The following TATDN1 variants were observed in gnomAD, a reference collection of about 807,000 sequenced individuals.
TATDN1 encodes the protein TatD DNase domain containing 1.
In TATDN1, 40 loss-of-function variants were observed where a neutral mutation model predicts 46.4. The ratio of observed to expected loss-of-function variants is 0.86; its 90% CI spans 0.67 to 1.12. The LOEUF is 1.12. Ranked by LOEUF, TATDN1 falls within the 50% of genes most tolerant of loss-of-function variation. The pLI, the probability that TATDN1 is intolerant of heterozygous loss-of-function variation, is 0.00. For missense variants in TATDN1, 326 were observed against 348.4 expected, an observed-to-expected ratio of 0.94 and a Z score of 0.51; for synonymous variants, 95 against 105.6, an observed-to-expected ratio of 0.90 and a Z score of 0.62.
chr8:124,502,515 T>C (rs1240445487), intron 9 of TATDN1, among the ~76,000 whole-genome samples: 3 of 152,140 alleles, frequency 2.0e-5, no homozygotes, highest in African/African-American at 4.8e-5. Flanking sequence ...TAAATAGAAA[T>C]ACTGGCTTGT....
At chr8:124,535,246 T>C (rs1183914655) in intron 1 of TATDN1, among the ~76,000 whole-genome samples, 1 of 152,166 alleles carries the variant, frequency 6.6e-6, no homozygotes, top group African/African-American at 2.4e-5. Flanking sequence ...TCAGGAGTTG[T>C]GCACAAAGAA....
Position 124,493,814 on chromosome 8 carries a change from A to C in TATDN1, c.791+19T>G. The C allele has an allele frequency of 1.3e-6, 2 of 1,585,674 alleles. No homozygotes were observed. Among genetic ancestry groups the C allele is most frequent in the Non-Finnish European group, 1.7e-6 (2 of 1,171,058 alleles). On this transcript the variant is annotated intron_variant, in intron 11 of 11. Coordinates refer to ENST00000276692, the MANE Select transcript of TATDN1 (RefSeq NM_032026.4). ...TGGTTAACTAATGATTTTGAAGACC[A>C]TGAAAGCAAAATACTCACATTATAT...
chr8:124,516,075 CATATTTATATTTATTATG>C (rs773849846), intron 4 of TATDN1, 45 bp from the exon 5 acceptor site: 1 of 1,470,630 alleles, frequency 6.8e-7, no homozygotes, highest in Admixed American at 2.3e-5. Context: ...AGTATTTTCT[CATATTTATATTTATTATG>C]ATATTTAGAG....
Position 124,508,368 on chromosome 8 carries a change from GT to G in TATDN1, c.516+105del, listed in dbSNP as rs1213293098. ...GCAAAGGTGTCATTATCTCATGCCAGTGCTTAAAAAGGTTCAGATTTTGGAG... is the reference window on the plus strand; with the variant it reads ...GCAAAGGTGTCATTATCTCATGCCAGGCTTAAAAAGGTTCAGATTTTGGAG... On this transcript the variant is annotated intron_variant, in intron 8 of 11. Coordinates refer to ENST00000276692, the MANE Select transcript of TATDN1 (RefSeq NM_032026.4). 6 of 912,356 alleles carry G rather than the reference GT, an allele frequency of 6.6e-6. No homozygotes were observed. The African/African-American group carries it at 1.0e-4, about 15-fold the overall frequency. The allele number at this position is 912,356 out of a possible 1,614,324, so 56.5% of individuals were successfully genotyped here.
At chr8:124,520,110 T>C (rs1172064858) in intron 3 of TATDN1, among the ~76,000 whole-genome samples, 2 of 152,212 alleles carry the variant, frequency 1.3e-5, no homozygotes, top group African/African-American at 2.4e-5. Flanking sequence ...TCCGGAAACA[T>C]AGCCATAATT....
At chr8:124,516,412 C>T (rs920773549) in intron 4 of TATDN1, among the ~76,000 whole-genome samples, 1 of 151,976 alleles carries the variant, frequency 6.6e-6, no homozygotes. Context: ...AAGCGATCCT[C>T]CCACCTCAGC....
At chr8:124,512,029 G>C (rs1819064118) in intron 6 of TATDN1, among the ~76,000 whole-genome samples, 1 of 152,148 alleles carries the variant, frequency 6.6e-6, no homozygotes, top group Non-Finnish European at 1.5e-5. Flanking sequence ...TTATTTTTCA[G>C]ACACTACATC....
intron 1 of TATDN1, among the ~76,000 whole-genome samples, chr8:124,535,361 A>C (rs1309121638): frequency 6.6e-6 from 1 of 152,186 alleles, no homozygotes; most frequent in African/African-American, 2.4e-5. Flanking sequence ...AGTCTAAAAT[A>C]TTTACTATAT....
In TATDN1 at chr8:124,528,274, C is replaced by T. The variant is rs10097047; in HGVS notation, c.23-5272G>A. On this transcript the variant is annotated intron_variant, in intron 1 of 11. Coordinates refer to ENST00000276692, the MANE Select transcript of TATDN1 (RefSeq NM_032026.4). ...CTGCAAGCTCCACCTCCCAGGTTCA[C>T]GCCATTCCCCTGCCTCGGCCTCCCA... Among the ~76,000 whole-genome samples, 285 of 152,176 alleles carry T rather than the reference C, an allele frequency of 1.9e-3. 1 individual carries two copies. The highest frequency in any genetic ancestry group is 0.013 in the South Asian group (62 of 4,826).
At chr8:124,522,737 C>T (rs376753656) in intron 2 of TATDN1, among the ~76,000 whole-genome samples, 200 bp downstream of exon 2, 69 of 151,918 alleles carry the variant, frequency 4.5e-4, no homozygotes, top group African/African-American at 1.6e-3. Context: ...TTTATTATTT[C>T]AATTTTAAGA....
chr8:124,504,402 A>G, intron 8 of TATDN1, 55 bp from the exon 9 acceptor site: 2 of 1,284,172 alleles, frequency 1.6e-6, no homozygotes, highest in Non-Finnish European at 2.1e-6. Flanking sequence ...TTAAAATTCT[A>G]AGTGACATTA....
At chr8:124,499,584 G>A (rs1035173858) in intron 9 of TATDN1, among the ~76,000 whole-genome samples, 27 of 151,776 alleles carry the variant, frequency 1.8e-4, no homozygotes, top group Non-Finnish European at 5.9e-5. Context: ...TCACTCTGTC[G>A]CCCAGGCTGG....
intron 1 of TATDN1, among the ~76,000 whole-genome samples, chr8:124,532,894 A>T (rs142654206): frequency 6.6e-6 from 1 of 152,252 alleles, no homozygotes; most frequent in Non-Finnish European, 1.5e-5. Flanking sequence ...CCTTAAGTCT[A>T]TATGAGGTGA....
chr8:124,514,139 T>C (rs1450460763), intron 6 of TATDN1, among the ~76,000 whole-genome samples: 2 of 152,312 alleles, frequency 1.3e-5, no homozygotes, highest in Non-Finnish European at 1.5e-5. Context: ...TACTTGGTTA[T>C]AGATCTTCAC....
At chr8:124,537,940 C>T (rs1821612603) in intron 1 of TATDN1, among the ~76,000 whole-genome samples, 1 of 124,398 alleles carries the variant, frequency 8.0e-6, no homozygotes, top group Non-Finnish European at 1.8e-5. Flanking sequence ...CTTAGCACAA[C>T]GTCTTTGAAA....
At chr8:124,534,626 G>C (rs1292731333) in intron 1 of TATDN1, among the ~76,000 whole-genome samples, 4 of 152,206 alleles carry the variant, frequency 2.6e-5, no homozygotes, top group African/African-American at 9.7e-5. Context: ...CGTCAGGTAT[G>C]TGTGGGGTTT....
intron 8 of TATDN1, among the ~76,000 whole-genome samples, chr8:124,506,370 A>T (rs1280836985): frequency 6.6e-6 from 1 of 151,658 alleles, no homozygotes; most frequent in East Asian, 1.9e-4. Context: ...AAAGAAAAAA[A>T]GAAAAGAAAT....
intron 1 of TATDN1, among the ~76,000 whole-genome samples, chr8:124,524,029 C>A (rs994259272): frequency 6.6e-6 from 1 of 152,158 alleles, no homozygotes; most frequent in Non-Finnish European, 1.5e-5. Flanking sequence ...GGAGGAGAAT[C>A]TCAAAATTTG....
chr8:124,521,634 T>TA (rs1160030506), intron 3 of TATDN1: 1 of 152,486 alleles, frequency 6.6e-6, no homozygotes, highest in Non-Finnish European at 1.5e-5. Context: ...TTAGTGTATG[T>TA]GTGGGCTAGC....
Sources: gnomAD v4.1 joint callset for allele counts (sites outside exome capture counted in the v4.1 genomes callset) on GRCh38, gnomAD v4.1.1 for gene constraint, MANE v1.5 for transcripts, NCBI Gene and HGNC (gene_info 2026-07-23, HGNC 2026-07-21) for gene names.